SENP5: variants seen among roughly 807,000 people sequenced by gnomAD.
SENP5 encodes the protein SUMO specific peptidase 5.
A neutral mutation model predicts 74.2 loss-of-function variants in SENP5; 21 were observed. The ratio of observed to expected loss-of-function variants is 0.28; its 90% confidence interval spans 0.20 to 0.41. The LOEUF (loss-of-function observed/expected upper bound fraction) is 0.41, where lower values mean the gene tolerates loss of function less well. SENP5 is among the 10% of genes least tolerant of loss of function. SENP5 has a pLI of 1.00. For missense variants in SENP5, 717 were observed against 889.1 expected, an observed-to-expected ratio of 0.81 and a Z score of 2.46; for synonymous variants, 311 against 312.7, an observed-to-expected ratio of 0.99 and a Z score of 0.06.
chr3:196,916,444 GTTTT>G (rs1715380403), intron 6 of SENP5, among the ~76,000 whole-genome samples: 1 of 152,002 alleles, frequency 6.6e-6, no homozygotes, highest in Non-Finnish European at 1.5e-5. Flanking sequence ...GAAAATAGCT[GTTTT>G]GAGGAAGCCC....
intron 6 of SENP5, among the ~76,000 whole-genome samples, chr3:196,909,134 CT>C (rs1323548018): frequency 6.6e-5 from 10 of 152,100 alleles, no homozygotes; most frequent in African/African-American, 2.4e-4. Flanking sequence ...CTATAAAGAC[CT>C]CTACACAAAT....
At chr3:196,914,584 A>AAAAAAAAT (rs1715282736) in intron 6 of SENP5, 2 of 59,412 alleles carry the variant, frequency 3.4e-5, no homozygotes, top group African/African-American at 1.6e-4. Flanking sequence ...AAAAAAAAAA[A>AAAAAAAAT]AAATATATAT....
At chr3:196,900,299 T>G in intron 4 of SENP5, 66 bp from the exon 5 acceptor site, 3 of 1,446,472 alleles carry the variant, frequency 2.1e-6, no homozygotes, top group South Asian at 2.5e-5. Context: ...ATTTATTTAT[T>G]TTGTTTTTCT....
chr3:196,906,018 A>C (rs1160521160), intron 6 of SENP5, among the ~76,000 whole-genome samples: 1 of 152,138 alleles, frequency 6.6e-6, no homozygotes, highest in African/African-American at 2.4e-5. Flanking sequence ...TCAGGAGTTC[A>C]AGATCAGCCT....
intron 1 of SENP5, among the ~76,000 whole-genome samples, chr3:196,878,872 A>G (rs1055433586): frequency 1.3e-5 from 2 of 152,202 alleles, no homozygotes; most frequent in African/African-American, 2.4e-5. Flanking sequence ...TAGTACAGGC[A>G]TGAGCCACCA....
chr3:196,881,838 C>T (rs977208563), intron 1 of SENP5, among the ~76,000 whole-genome samples: 1 of 149,522 alleles, frequency 6.7e-6, no homozygotes, highest in African/African-American at 2.5e-5. Context: ...AGAATAACAC[C>T]CTGTTCTTTT....
At position 196,890,505 on chromosome 3, in the gene SENP5, C is replaced by T. The variant is rs542126677; in HGVS notation, c.1513+3811C>T. Among the ~76,000 whole-genome samples the T allele has an allele frequency of 2.0e-5, 3 of 152,170 alleles. No homozygotes were observed. In the South Asian group the frequency reaches 6.2e-4, roughly 32 times the overall value. On this transcript the variant is annotated intron_variant, in intron 2 of 9. Transcript: ENST00000323460. ...ATATGAGTGTAAGAAGAAAGCTCCT[C>T]CTTTGAAAAACAAGGTGAATACTTT...
intron 6 of SENP5, among the ~76,000 whole-genome samples, chr3:196,911,965 T>A (rs1488088725): frequency 2.6e-5 from 4 of 152,206 alleles, no homozygotes; most frequent in African/African-American, 9.7e-5. Context: ...ATAGGAATGC[T>A]TTTACACTGT....
chr3:196,875,682 C>T (rs1056136184), intron 1 of SENP5, among the ~76,000 whole-genome samples: 4 of 151,914 alleles, frequency 2.6e-5, no homozygotes, highest in African/African-American at 9.7e-5. Context: ...GACCCTTTTG[C>T]CAGATATTTC....
At chr3:196,900,136 G>A in intron 4 of SENP5, 74 bp downstream of exon 4, 1 of 1,536,408 alleles carries the variant, frequency 6.5e-7, no homozygotes, top group Non-Finnish European at 8.8e-7. Context: ...TCTCTAGTTT[G>A]GCTTCTCAGT....
intron 1 of SENP5, among the ~76,000 whole-genome samples, chr3:196,872,093 G>A (rs2108802197): frequency 6.6e-6 from 1 of 152,242 alleles, no homozygotes; most frequent in East Asian, 1.9e-4. Flanking sequence ...CCTGTACGGT[G>A]GCTGCGCTGT....
At chr3:196,906,451 G>A (rs890298374) in intron 6 of SENP5, among the ~76,000 whole-genome samples, 3 of 152,104 alleles carry the variant, frequency 2.0e-5, no homozygotes, top group Admixed American at 6.6e-5. Flanking sequence ...TATTTTTGGT[G>A]GTGTAATTAT....
At chr3:196,903,510 C>T (rs781227534) in intron 5 of SENP5, 23 bp from the exon 6 acceptor site, 2 of 1,528,436 alleles carry the variant, frequency 1.3e-6, no homozygotes, top group South Asian at 2.4e-5. Flanking sequence ...AATCTGGTTG[C>T]TTGTGTTTGT....
intron 6 of SENP5, among the ~76,000 whole-genome samples, chr3:196,916,539 T>C (rs1412062569): frequency 2.0e-5 from 3 of 151,560 alleles, no homozygotes; most frequent in Non-Finnish European, 4.4e-5. Context: ...TTTTTTTTTT[T>C]TTTTAAAGAC....
chr3:196,903,475 G>A (rs1714782340), intron 5 of SENP5, 58 bp from the exon 6 acceptor site: 1 of 1,106,994 alleles, frequency 9.0e-7, no homozygotes, highest in Admixed American at 2.5e-5. Context: ...CTCTTTTGAA[G>A]TTAAATCTGG....
At chr3:196,907,257 A>C (rs1225462602) in intron 6 of SENP5, among the ~76,000 whole-genome samples, 4 of 152,034 alleles carry the variant, frequency 2.6e-5, no homozygotes, top group Non-Finnish European at 4.4e-5. Context: ...GCGGATCACG[A>C]GGTCAGGAGA....
chr3:196,914,314 T>C (rs1715260843), intron 6 of SENP5: 1 of 151,992 alleles, frequency 6.6e-6, no homozygotes, highest in Non-Finnish European at 1.5e-5. Context: ...ACTTGGTCAT[T>C]CATGCATTAG....
intron 6 of SENP5, among the ~76,000 whole-genome samples, chr3:196,910,501 C>T (rs1486274603): frequency 6.6e-6 from 1 of 151,718 alleles, no homozygotes; most frequent in African/African-American, 2.4e-5. Context: ...CATGCACCAC[C>T]ATGCCCAGCT....
chr3:196,875,174 C>T (rs994522875), intron 1 of SENP5, among the ~76,000 whole-genome samples: 2 of 152,136 alleles, frequency 1.3e-5, no homozygotes, highest in South Asian at 2.1e-4. Flanking sequence ...TCAGTGATAC[C>T]ACTATCTACC....
Sources: allele counts gnomAD v4.1 joint callset (sites outside exome capture counted in the v4.1 genomes callset), GRCh38; gene constraint gnomAD v4.1.1; transcripts MANE v1.5; gene names NCBI Gene and HGNC (gene_info 2026-07-23, HGNC 2026-07-21).